SRGAP1: variants seen among roughly 807,000 people sequenced by gnomAD.
SRGAP1 encodes the protein SLIT-ROBO Rho GTPase activating protein 1, also known as SLIT-ROBO Rho GTPase-activating protein 1.
Under a neutral mutation model 121.9 loss-of-function variants are expected in SRGAP1, and 43 were observed. The observed-to-expected ratio is 0.35, with a 90% confidence interval of 0.28 to 0.46. SRGAP1 has a LOEUF of 0.46. Among genes scored for constraint, SRGAP1 ranks in the 20% least tolerant of loss-of-function variants. The pLI is 1.00. For missense variants in SRGAP1, 1,102 were observed against 1,350.9 expected (o/e 0.82, Z 2.89); for synonymous variants, 447 against 485.4 (o/e 0.92, Z 1.04).
At chr12:64,000,158 G>A (rs1207839464) in intron 3 of SRGAP1, among the ~76,000 whole-genome samples, 1 of 151,686 alleles carries the variant, frequency 6.6e-6, no homozygotes, top group Non-Finnish European at 1.5e-5. Flanking sequence ...AATGTGGACA[G>A]TATTGTCTAG....
intron 15 of SRGAP1, among the ~76,000 whole-genome samples, chr12:64,106,311 T>C (rs1018268699): frequency 6.6e-6 from 1 of 152,230 alleles, no homozygotes; most frequent in South Asian, 2.1e-4. Context: ...TTTTTAGAGA[T>C]AGACTTTCTA....
At chr12:63,885,326 T>C (rs1427574170) in intron 1 of SRGAP1, among the ~76,000 whole-genome samples, 1 of 152,076 alleles carries the variant, frequency 6.6e-6, no homozygotes, top group Non-Finnish European at 1.5e-5. Flanking sequence ...TAAAGGATAT[T>C]ACAAAGGATA....
chr12:64,096,132 G>A (rs1015588924), intron 14 of SRGAP1, among the ~76,000 whole-genome samples: 4 of 152,154 alleles, frequency 2.6e-5, no homozygotes, highest in Non-Finnish European at 5.9e-5. Context: ...AAAGTATCAG[G>A]TTCTGTGCTA....
chr12:63,906,711 A>G (rs895537656), intron 1 of SRGAP1, among the ~76,000 whole-genome samples: 6 of 152,214 alleles, frequency 3.9e-5, no homozygotes, highest in African/African-American at 9.6e-5. Flanking sequence ...AGTAACAATC[A>G]TGAAGCTAAA....
At chr12:64,044,067 T>C (rs2035077238) in intron 6 of SRGAP1, among the ~76,000 whole-genome samples, 1 of 152,102 alleles carries the variant, frequency 6.6e-6, no homozygotes, top group South Asian at 2.1e-4. Context: ...CAAAATAGAG[T>C]GCACATAAGT....
intron 4 of SRGAP1, among the ~76,000 whole-genome samples, chr12:64,037,830 G>A (rs1482548914): frequency 1.3e-5 from 2 of 152,232 alleles, no homozygotes; most frequent in Non-Finnish European, 2.9e-5. Context: ...TGGAAACCAA[G>A]TATTTCTTTT....
At chr12:64,092,955 G>A (rs1257232613) in intron 12 of SRGAP1, among the ~76,000 whole-genome samples, 2 of 152,116 alleles carry the variant, frequency 1.3e-5, no homozygotes, top group Non-Finnish European at 2.9e-5. Context: ...AAATAAACCA[G>A]CTATCATGGA....
chr12:63,853,448 CTAACT>C (rs1325013134), intron 1 of SRGAP1, among the ~76,000 whole-genome samples: 1 of 152,170 alleles, frequency 6.6e-6, no homozygotes, highest in Non-Finnish European at 1.5e-5. Flanking sequence ...AAATTGTTAA[CTAACT>C]GTATACATGC....
rs1295394411 is a variant in SRGAP1 at position 64,152,085 on chromosome 12, T to TAACA, written c.*9419_*9422dup. 1 of 152,170 alleles carries TAACA rather than the reference T, an allele frequency of 6.6e-6. No homozygotes were observed. The highest frequency in any genetic ancestry group is 2.4e-5 in the African/African-American group (1 of 41,446). 9.4% of individuals were successfully genotyped at this position (152,170 alleles called of 1,614,324 possible). The stretch of plus-strand genomic sequence containing the variant: ...TTTCTCAAAAACAAAATGAGAAACC[T>TAACA]AACAAACAATCATTGAAAATGTACC... On this transcript the variant is annotated 3_prime_UTR_variant, in exon 22 of 22. Coordinates refer to ENST00000355086, the MANE Select transcript of SRGAP1 (RefSeq NM_020762.4).
At chr12:64,068,322 C>A (rs1593096696) in intron 8 of SRGAP1, among the ~76,000 whole-genome samples, 1 of 151,022 alleles carries the variant, frequency 6.6e-6, no homozygotes, top group East Asian at 2.0e-4. Flanking sequence ...TGCAACAGAC[C>A]CTATCTGGCC....
intron 6 of SRGAP1, among the ~76,000 whole-genome samples, chr12:64,057,470 A>AC (rs1174920021): frequency 4.6e-5 from 7 of 152,158 alleles, no homozygotes; most frequent in African/African-American, 1.7e-4. Context: ...GAAAATAGAG[A>AC]AGGTCAAAGA....
chr12:64,030,413 A>G (rs754919941), intron 4 of SRGAP1, among the ~76,000 whole-genome samples: 20 of 152,256 alleles, frequency 1.3e-4, no homozygotes, highest in Non-Finnish European at 2.2e-4. Flanking sequence ...ATTAAGATTT[A>G]TAAGTACACT....
intron 8 of SRGAP1, among the ~76,000 whole-genome samples, chr12:64,068,177 G>C (rs1421248323): frequency 6.6e-6 from 1 of 150,550 alleles, no homozygotes; most frequent in African/African-American, 2.4e-5. Flanking sequence ...TACTCAGGAG[G>C]CTGAGACAGG....
intron 15 of SRGAP1, among the ~76,000 whole-genome samples, chr12:64,100,211 TATCA>T (rs2136599282): frequency 6.6e-6 from 1 of 152,350 alleles, no homozygotes; most frequent in Admixed American, 6.5e-5. Context: ...GTTGGCCACT[TATCA>T]ATCTGTCTGT....
chr12:64,137,961 A>ATATATATATATAT (rs1555177364), intron 21 of SRGAP1, among the ~76,000 whole-genome samples: 18 of 139,676 alleles, frequency 1.3e-4, no homozygotes, highest in Middle Eastern at 3.7e-3. Flanking sequence ...TTAAAAAAAA[A>ATATATATATATAT]ATATATATAT....
intron 1 of SRGAP1, among the ~76,000 whole-genome samples, chr12:63,962,500 C>T (rs545715331): frequency 1.3e-5 from 2 of 152,070 alleles, no homozygotes; most frequent in Non-Finnish European, 2.9e-5. Flanking sequence ...CTCTGCCTCC[C>T]GGGTTCAAGC....
intron 1 of SRGAP1, among the ~76,000 whole-genome samples, chr12:63,907,639 T>G (rs2030279800): frequency 6.6e-6 from 1 of 152,224 alleles, no homozygotes; most frequent in South Asian, 2.1e-4. Context: ...CCTTGTCAGA[T>G]ATATGATTTG....
At chr12:63,948,463 A>G (rs2032122246) in intron 1 of SRGAP1, among the ~76,000 whole-genome samples, 1 of 152,178 alleles carries the variant, frequency 6.6e-6, no homozygotes, top group Non-Finnish European at 1.5e-5. Context: ...TGTCAGGGAC[A>G]CAGTCATCTC....
At chr12:63,930,410 G>T (rs1409076622) in intron 1 of SRGAP1, among the ~76,000 whole-genome samples, 2 of 146,672 alleles carry the variant, frequency 1.4e-5, no homozygotes, top group Non-Finnish European at 3.0e-5. Context: ...GCAATATTAA[G>T]TATTTGAAGT....
Sources: allele counts gnomAD v4.1 joint callset (sites outside exome capture counted in the v4.1 genomes callset), GRCh38; gene constraint gnomAD v4.1.1; transcripts MANE v1.5; gene names NCBI Gene and HGNC (gene_info 2026-07-23, HGNC 2026-07-21).